KLF15: variants seen among roughly 807,000 people sequenced by gnomAD.
The protein encoded by KLF15 is KLF transcription factor 15, also known as Krueppel-like factor 15.
Under a neutral mutation model 24.6 loss-of-function variants are expected in KLF15, and 4 were observed. The ratio of observed to expected loss-of-function variants is 0.16; its 90% CI spans 0.08 to 0.37. The LOEUF (loss-of-function observed/expected upper bound fraction) is 0.37, where lower values mean the gene tolerates loss of function less well. Ranked by LOEUF, KLF15 falls within the 10% of genes least tolerant of loss-of-function variation. The pLI is 1.00. For missense variants in KLF15, 496 were observed against 560.6 expected (o/e 0.88, Z 1.16); for synonymous variants, 246 against 236.3 (o/e 1.04, Z -0.37).
In KLF15 at chr3:126,343,827, G is replaced by A. The variant is rs771535916; in HGVS notation, c.1151C>T (p.Pro384Leu). 2 of 1,611,664 alleles carry A rather than the reference G, an allele frequency of 1.2e-6. No homozygotes were observed. Among genetic ancestry groups the A allele is most frequent in the South Asian group, 1.1e-5 (1 of 90,974 alleles). The change falls in exon 3 of 3, where the codon CCT becomes CTT. Residue 384 changes from proline to leucine, a missense_variant. Transcript: ENST00000296233. ...CCGCGCGAACTTCTTCTCGCACACA[G>A]GACACTGGTACGGCTTCACACCTGA... is the stretch of plus-strand genomic sequence containing the variant. ...SHSGVKPYQC[P>L]VCEKKFARSD...
intron 1 of KLF15, 114 bp from the exon 2 acceptor site, chr3:126,353,061 C>T (rs1560041979): frequency 3.3e-6 from 4 of 1,198,264 alleles, no homozygotes; most frequent in Non-Finnish European, 4.5e-6. Context: ...TGCCAAACGC[C>T]TGGATCCTGC....
the KLF15 span, among the ~76,000 whole-genome samples, chr3:126,328,676 G>A: frequency 1.7e-3 from 253 of 152,184 alleles, no homozygotes; most frequent in African/African-American, 5.9e-3. Flanking sequence ...AAAAAAAATT[G>A]TACTACAATC....
the KLF15 span, among the ~76,000 whole-genome samples, chr3:126,295,546 C>A: frequency 6.6e-6 from 1 of 152,202 alleles, no homozygotes; most frequent in Non-Finnish European, 1.5e-5. Flanking sequence ...ATCCCGAGTG[C>A]CATGGCCAGA....
the KLF15 span, among the ~76,000 whole-genome samples, chr3:126,333,509 T>A: frequency 8.8e-6 from 1 of 113,426 alleles, no homozygotes. Context: ...AGAAACTGCA[T>A]CAACTAACGA....
the KLF15 span, among the ~76,000 whole-genome samples, chr3:126,309,690 C>G: frequency 6.6e-6 from 1 of 152,256 alleles, no homozygotes; most frequent in Non-Finnish European, 1.5e-5. Context: ...GAGATGGGTT[C>G]CTTAGGGAAA....
Position 126,357,381 on chromosome 3 carries a change from G to A in KLF15, c.-170C>T, listed in dbSNP as rs979708241. The A allele has an allele frequency of 1.4e-4, 20 of 147,072 alleles. No homozygotes were observed. Among genetic ancestry groups the A allele is most frequent in the African/African-American group, 4.2e-4 (17 of 40,856 alleles). 9.1% of individuals were successfully genotyped at this position (147,072 alleles called of 1,614,324 possible). On this transcript the variant is annotated 5_prime_UTR_variant, in exon 1 of 3. Transcript: ENST00000296233. The stretch of plus-strand genomic sequence containing the variant: ...TCCTGCGCTGGCTCGATCGCCCGCC[G>A]GCCCGCGGGTCGCTGCGGCGGAGCA...
chr3:126,305,792 T>A, the KLF15 span, among the ~76,000 whole-genome samples: 20 of 152,198 alleles, frequency 1.3e-4, no homozygotes, highest in African/African-American at 4.8e-4. Flanking sequence ...TTTGAAAAGC[T>A]GGATGTCTGA....
the KLF15 span, among the ~76,000 whole-genome samples, chr3:126,315,548 G>T: frequency 6.6e-6 from 1 of 152,200 alleles, no homozygotes; most frequent in Non-Finnish European, 1.5e-5. Flanking sequence ...AGTGAAGAGG[G>T]AAGTCAGGGG....
chr3:126,304,669 C>T, the KLF15 span, among the ~76,000 whole-genome samples: 1 of 152,220 alleles, frequency 6.6e-6, no homozygotes. Flanking sequence ...CACAGCTTGA[C>T]ATCTAAAGTT....
the KLF15 span, among the ~76,000 whole-genome samples, chr3:126,313,799 G>A: frequency 2.6e-5 from 4 of 152,198 alleles, no homozygotes; most frequent in Non-Finnish European, 5.9e-5. Context: ...CACTCCTGTG[G>A]TCTGACCATC....
chr3:126,326,145 G>A, the KLF15 span, among the ~76,000 whole-genome samples: 3 of 89,008 alleles, frequency 3.4e-5, no homozygotes, highest in African/African-American at 4.6e-5. Context: ...ATTTCTGAGG[G>A]CTCTGTTCTG....
intron 2 of KLF15, among the ~76,000 whole-genome samples, chr3:126,344,908 G>C (rs1038265171): frequency 6.6e-6 from 1 of 152,174 alleles, no homozygotes; most frequent in Non-Finnish European, 1.5e-5. Flanking sequence ...GCTGCATCGA[G>C]GGCCTGGACT....
the KLF15 span, among the ~76,000 whole-genome samples, chr3:126,323,991 C>G: frequency 6.8e-6 from 1 of 146,314 alleles, no homozygotes; most frequent in Admixed American, 6.9e-5. Flanking sequence ...TGGGTTGGCT[C>G]CATGTCTTTG....
At chr3:126,346,022 C>T (rs547507652) in intron 2 of KLF15, among the ~76,000 whole-genome samples, 1 of 152,340 alleles carries the variant, frequency 6.6e-6, no homozygotes, top group East Asian at 1.9e-4. Context: ...AGCCCCCTGC[C>T]CTGGCAATGG....
At chr3:126,353,270 C>T (rs994446615) in intron 1 of KLF15, among the ~76,000 whole-genome samples, 3 of 152,194 alleles carry the variant, frequency 2.0e-5, no homozygotes, top group East Asian at 1.9e-4. Flanking sequence ...AGGGCATGCG[C>T]GAGGAGGCTC....
chr3:126,311,261 C>T, the KLF15 span, among the ~76,000 whole-genome samples: 20 of 152,188 alleles, frequency 1.3e-4, no homozygotes, highest in Non-Finnish European at 1.8e-4. Flanking sequence ...AAAGTCCAGG[C>T]CAAGAATTTT....
At chr3:126,350,386 T>C (rs1184071167) in intron 2 of KLF15, among the ~76,000 whole-genome samples, 1 of 152,104 alleles carries the variant, frequency 6.6e-6, no homozygotes, top group Non-Finnish European at 1.5e-5. Flanking sequence ...CTGAATGGGG[T>C]GGGAGACAGG....
At chr3:126,327,428 G>A in the KLF15 span, among the ~76,000 whole-genome samples, 1 of 152,200 alleles carries the variant, frequency 6.6e-6, no homozygotes, top group African/African-American at 2.4e-5. Flanking sequence ...GAGCTGGAAG[G>A]GGTGAGGCCA....
chr3:126,316,338 G>C, the KLF15 span, among the ~76,000 whole-genome samples: 1 of 151,178 alleles, frequency 6.6e-6, no homozygotes, highest in Non-Finnish European at 1.5e-5. Context: ...CCATAGTCCA[G>C]AGTGGGGAAG....
Sources: allele counts gnomAD v4.1 joint callset (sites outside exome capture counted in the v4.1 genomes callset), GRCh38; gene constraint gnomAD v4.1.1; transcripts MANE v1.5; gene names NCBI Gene and HGNC (gene_info 2026-07-23, HGNC 2026-07-21).